Variants in TTC34 observed in about 807,000 individuals in gnomAD.
TTC34 encodes tetratricopeptide repeat protein 34.
In TTC34, 44 loss-of-function variants were observed where a neutral mutation model predicts 40.7. The ratio of observed to expected loss-of-function variants is 1.08; its 90% CI spans 0.85 to 1.39. The LOEUF (loss-of-function observed/expected upper bound fraction) is 1.39. TTC34 is among the 40% of genes most tolerant of loss of function. The probability of loss-of-function intolerance (pLI) is 0.00; values close to 1 mark genes in which losing one functional copy is unlikely to be tolerated. For missense variants in TTC34, 884 were observed against 838.0 expected (o/e 1.05, Z -0.68); for synonymous variants, 422 against 398.6 (o/e 1.06, Z -0.70).
intron 7 of TTC34, 47 bp from the exon 8 acceptor site, chr1:2,644,525 G>A: frequency 6.7e-7 from 1 of 1,501,930 alleles, no homozygotes; most frequent in South Asian, 1.2e-5. Flanking sequence ...GTTGGGCAGA[G>A]GTGCGAGAGA....
intron 6 of TTC34, among the ~76,000 whole-genome samples, chr1:2,773,151 T>G (rs201470755): frequency 7.1e-6 from 1 of 141,174 alleles, no homozygotes; most frequent in Non-Finnish European, 1.5e-5. Flanking sequence ...CAGGCGAGCA[T>G]CTGACAGCCT....
Position 2,645,688 on chromosome 1 carries a change from G to T in TTC34, c.2227-125C>A. ...GATCTTCTCCCTGGGGTCCTAGAGGGTCTGAACACCCAGCTTCCTGCCCCT... is the reference window on the plus strand; with the variant it reads ...GATCTTCTCCCTGGGGTCCTAGAGGTTCTGAACACCCAGCTTCCTGCCCCT... On this transcript the variant is annotated intron_variant, in intron 6 of 8. Transcript: ENST00000401095. The surrounding 1 kb of genome is among the most constrained non-coding windows in gnomAD (Gnocchi z 4.7). The T allele has an allele frequency of 2.0e-6, 2 of 1,007,078 alleles. No individual in the cohort carries two copies. The highest frequency in any genetic ancestry group is 2.7e-6 in the Non-Finnish European group (2 of 752,530). The allele number at this position is 1,007,078 out of a possible 1,614,324, so 62.4% of individuals were successfully genotyped here.
rs1366950605 is a variant in TTC34, at chr1:2,641,448, C to G, written c.3160G>C (p.Val1054Leu). 3 of 1,535,342 alleles carry G rather than the reference C, an allele frequency of 2.0e-6. No homozygotes were observed. In the African/African-American group the frequency reaches 4.1e-5, roughly 21 times the overall value. ...TTCAGGCCACGGTGGTCGGGGTCCA[C>G]CAGGAGGCCGCTCTCTACCGCCGTC... Residue 1054 changes from valine (V) to leucine (L), a missense_variant, in exon 9 of 9, where the codon GTG (valine) becomes CTG (leucine). Transcript: ENST00000401095.
intron 8 of TTC34, among the ~76,000 whole-genome samples, chr1:2,642,745 C>A (rs1041468608): frequency 6.6e-6 from 1 of 152,232 alleles, no homozygotes; most frequent in Non-Finnish European, 1.5e-5. Flanking sequence ...GACGCTACCT[C>A]CCCCGGGGGG....
intron 6 of TTC34, among the ~76,000 whole-genome samples, chr1:2,747,715 C>CAT (rs1569680913): frequency 0.019 from 315 of 16,422 alleles, 1 homozygote; most frequent in African/African-American, 0.08. Flanking sequence ...CAGCACCCCG[C>CAT]ACCCCCAGGC....
At chr1:2,683,359 T>G (rs1213958582) in intron 6 of TTC34, among the ~76,000 whole-genome samples, 5 of 131,030 alleles carry the variant, frequency 3.8e-5, no homozygotes, top group Non-Finnish European at 6.4e-5. Context: ...CACCCCCAGG[T>G]GAGCATCTGA....
chr1:2,675,193 A>T (rs1639858630), intron 6 of TTC34, among the ~76,000 whole-genome samples: 1 of 148,246 alleles, frequency 6.7e-6, no homozygotes, highest in African/African-American at 2.5e-5. Context: ...CTGGAGCAGC[A>T]CCGACAACCC....
chr1:2,652,344 T>A (rs1428378311), intron 6 of TTC34, among the ~76,000 whole-genome samples: 4 of 54,534 alleles, frequency 7.3e-5, no homozygotes, highest in East Asian at 4.6e-4. Flanking sequence ...GAGCATCTGA[T>A]ATCCTGGAAC....
At chr1:2,683,829 C>G (rs1640194340) in intron 6 of TTC34, among the ~76,000 whole-genome samples, 1 of 150,342 alleles carries the variant, frequency 6.7e-6, no homozygotes. Context: ...GAACAGCACC[C>G]ACACCCCCAG....
chr1:2,787,525 C>A, exon 4 of TTC34: 2 of 1,527,850 alleles, frequency 1.3e-6, no homozygotes, highest in South Asian at 2.4e-5. Context: ...TGCAGCAGGG[C>A]CAGTCGTGCC....
intron 6 of TTC34, among the ~76,000 whole-genome samples, chr1:2,753,343 C>G (rs1440498774): frequency 1.1e-4 from 3 of 28,288 alleles, no homozygotes; most frequent in African/African-American, 3.6e-4. Context: ...CACCCCCAGA[C>G]GAGCATCTGA....
chr1:2,750,850 C>G (rs1444528923), intron 6 of TTC34, among the ~76,000 whole-genome samples: 1 of 98,494 alleles, frequency 1.0e-5, no homozygotes, highest in African/African-American at 4.8e-5. Context: ...CCCACACACC[C>G]AGGTGAGCAT....
At chr1:2,695,644 G>C (rs77123530) in intron 6 of TTC34, among the ~76,000 whole-genome samples, 3 of 78,604 alleles carry the variant, frequency 3.8e-5, no homozygotes, top group Admixed American at 1.4e-4. Flanking sequence ...ACCAACAGGT[G>C]AGCATCTGAC....
rs985992148 is a variant in TTC34 at position 2,684,411 on chromosome 1, T to A, written c.2227-38848A>T. Among the ~76,000 whole-genome samples the A allele has an allele frequency of 5.4e-5, 8 of 149,410 alleles. No homozygotes were observed. The East Asian group carries it at 6.1e-4, about 11-fold the overall frequency. ...GAATCCACACCCCCAGGTGAGCATCTGACAGACTGGAACACCACCCTGCAC... is the reference window on the plus strand; with the variant it reads ...GAATCCACACCCCCAGGTGAGCATCAGACAGACTGGAACACCACCCTGCAC... On this transcript the variant is annotated intron_variant, in intron 6 of 8. Transcript: ENST00000401095.
intron 6 of TTC34, among the ~76,000 whole-genome samples, chr1:2,753,426 G>T (rs1482918091): frequency 7.9e-6 from 1 of 125,814 alleles, no homozygotes; most frequent in Non-Finnish European, 1.6e-5. Flanking sequence ...CCACAGGTGA[G>T]CATCTGACAG....
chr1:2,790,891 A>G (rs1413770539), intron 2 of TTC34, among the ~76,000 whole-genome samples: 1 of 152,136 alleles, frequency 6.6e-6, no homozygotes, highest in East Asian at 1.9e-4. Flanking sequence ...CTCTTCTCTC[A>G]GGTCTAGGAC....
intron 6 of TTC34, among the ~76,000 whole-genome samples, chr1:2,650,516 T>C (rs1160259190): frequency 6.6e-6 from 1 of 151,182 alleles, no homozygotes; most frequent in Non-Finnish European, 1.5e-5. Context: ...CAGGTGAGCA[T>C]GTGATAGCCG....
rs1315147966 is a variant in TTC34, at chr1:2,673,391, C to A, written c.2227-27828G>T. Among the ~76,000 whole-genome samples the A allele has an allele frequency of 4.0e-5, 3 of 75,868 alleles. 1 individual carries two copies. The highest frequency in any genetic ancestry group is 9.3e-5 in the Non-Finnish European group (3 of 32,402). 49.8% of individuals were successfully genotyped at this position (75,868 alleles called of 152,430 possible). On this transcript the variant is annotated intron_variant, in intron 6 of 8. Transcript: ENST00000401095. ...GCATCTGAGGGCCTGGGTCGGCACC[C>A]ACACCCCCAGGTGAGCATCTGATGG...
At chr1:2,651,144 C>T (rs769421067) in intron 6 of TTC34, among the ~76,000 whole-genome samples, 1 of 151,982 alleles carries the variant, frequency 6.6e-6, no homozygotes, top group Non-Finnish European at 1.5e-5. Context: ...TGGGACAGTA[C>T]CCTCCAGCAC....
Sources: gnomAD v4.1 joint callset for allele counts (sites outside exome capture counted in the v4.1 genomes callset) on GRCh38, gnomAD v4.1.1 for gene constraint, Gnocchi (gnomAD v3.1) non-coding constraint, MANE v1.5 for transcripts, NCBI Gene and HGNC (gene_info 2026-07-23, HGNC 2026-07-21) for gene names.